C8orf34: variants seen among roughly 807,000 people sequenced by gnomAD.
The protein encoded by C8orf34 is uncharacterized protein C8orf34.
C8orf34 carries 65 observed loss-of-function variants against 68.3 expected under a neutral mutation model. The observed-to-expected ratio is 0.95, with a 90% CI of 0.78 to 1.17. C8orf34 has a LOEUF of 1.17. Among genes scored for constraint, C8orf34 ranks in the 50% most tolerant of loss-of-function variants. The probability of loss-of-function intolerance (pLI) is 0.00; values close to 1 mark genes in which losing one functional copy is unlikely to be tolerated. For synonymous variants in C8orf34, 244 were observed against 241.2 expected, an observed-to-expected ratio of 1.01 and a Z score of -0.11; for missense variants, 664 against 655.4, an observed-to-expected ratio of 1.01 and a Z score of -0.14.
intron 1 of C8orf34, among the ~76,000 whole-genome samples, chr8:68,367,908 A>T (rs550299284): frequency 5.9e-4 from 60 of 102,258 alleles, no homozygotes; most frequent in Middle Eastern, 4.2e-3. Flanking sequence ...ATAAAAAAAG[A>T]AAAGAAAAAA....
chr8:68,675,770 G>T (rs1176264360), intron 8 of C8orf34, among the ~76,000 whole-genome samples: 1 of 152,102 alleles, frequency 6.6e-6, no homozygotes, highest in Non-Finnish European at 1.5e-5. Context: ...AATGTAAATG[G>T]ACTAAACTCT....
chr8:68,814,621 T>A (rs1164315573), intron 12 of C8orf34, among the ~76,000 whole-genome samples: 2 of 152,162 alleles, frequency 1.3e-5, no homozygotes, highest in Admixed American at 6.5e-5. Context: ...TCCAAAGGTG[T>A]TTTGCTTAGA....
intron 1 of C8orf34, among the ~76,000 whole-genome samples, chr8:68,367,912 G>GAAAAAAA (rs61562318): frequency 2.5e-3 from 198 of 79,098 alleles, no homozygotes; most frequent in South Asian, 5.0e-3. Flanking sequence ...AAAAAGAAAA[G>GAAAAAAA]AAAAAAAAAA....
At chr8:68,717,418 G>A (rs1178503578) in intron 9 of C8orf34, among the ~76,000 whole-genome samples, 1 of 151,670 alleles carries the variant, frequency 6.6e-6, no homozygotes, top group African/African-American at 2.4e-5. Context: ...GCATGAACCC[G>A]GAAGGAGGAG....
chr8:68,392,520 T>TA (rs200021035), intron 1 of C8orf34, among the ~76,000 whole-genome samples: 1 of 150,984 alleles, frequency 6.6e-6, no homozygotes, highest in South Asian at 2.1e-4. Context: ...TCTCAGAATA[T>TA]AAAAAAAATG....
chr8:68,781,610 AC>A (rs1314337785), intron 11 of C8orf34, among the ~76,000 whole-genome samples: 1 of 152,124 alleles, frequency 6.6e-6, no homozygotes, highest in African/African-American at 2.4e-5. Context: ...TAGCTCTTTG[AC>A]CCCATCAAAA....
rs115402731 is a variant in C8orf34 at position 68,333,478 on chromosome 8, G to C, written c.327+2139G>C. 4.8e-3 allele frequency among the ~76,000 whole-genome samples: 725 copies of C among 152,280 alleles called. 12 individuals are homozygous for C. The highest frequency in any genetic ancestry group is 0.017 in the African/African-American group (702 of 41,538). On this transcript the variant is annotated intron_variant, in intron 1 of 13. Transcript: ENST00000518698. The stretch of plus-strand genomic sequence containing the variant: ...TTTAATAAAAGCTGGATGTAACACA[G>C]TTCCTTATGCAACAATTTTGATCAT...
At position 68,490,479 on chromosome 8, in the gene C8orf34, G is replaced by A. The variant is rs146514419; in HGVS notation, c.765+2428G>A. Among the ~76,000 whole-genome samples, 122 of 152,150 alleles carry A rather than the reference G, an allele frequency of 8.0e-4. No homozygotes were observed. The East Asian group carries it at 0.018, about 22-fold the overall frequency. On this transcript the variant is annotated intron_variant, in intron 5 of 13. Coordinates refer to ENST00000518698, the MANE Select transcript of C8orf34 (RefSeq NM_052958.4). The stretch of plus-strand genomic sequence containing the variant: ...CAGTTAAGTGTCAGCCTCAGGACAT[G>A]GCCTTCTCCCTCACACCCTCTCTCT...
At chr8:68,618,616 C>T (rs1228393092) in intron 7 of C8orf34, among the ~76,000 whole-genome samples, 2 of 152,066 alleles carry the variant, frequency 1.3e-5, no homozygotes, top group Non-Finnish European at 2.9e-5. Context: ...AATCCTCCTG[C>T]CTCAGCTTCC....
At chr8:68,380,115 AC>A (rs1248079384) in intron 1 of C8orf34, among the ~76,000 whole-genome samples, 2 of 151,898 alleles carry the variant, frequency 1.3e-5, no homozygotes, top group Non-Finnish European at 2.9e-5. Flanking sequence ...TCCTGCCTTC[AC>A]CTCCCAAAGT....
At chr8:68,491,186 A>G (rs1162673665) in intron 5 of C8orf34, among the ~76,000 whole-genome samples, 3 of 152,058 alleles carry the variant, frequency 2.0e-5, no homozygotes, top group Non-Finnish European at 4.4e-5. Flanking sequence ...AATAAGAATC[A>G]TTAATTCTAT....
chr8:68,419,203 T>C (rs1271353038), intron 1 of C8orf34, among the ~76,000 whole-genome samples: 4 of 151,418 alleles, frequency 2.6e-5, no homozygotes, highest in African/African-American at 7.3e-5. Context: ...AAGACATTTA[T>C]GCAGCCAAAA....
chr8:68,455,110 T>C lies in C8orf34; in HGVS notation c.607+8650T>C, dbSNP rs12677967. 1.6e-3 allele frequency among the ~76,000 whole-genome samples: 239 copies of C among 152,296 alleles called. 6 individuals are homozygous for C. In the East Asian group the frequency reaches 0.032, roughly 21 times the overall value. On this transcript the variant is annotated intron_variant, in intron 3 of 13. Coordinates refer to ENST00000518698, the MANE Select transcript of C8orf34 (RefSeq NM_052958.4). ...TTTATTCTTTTGTTGTCAGAGAAGA[T>C]ACTTGGTATGATTTCAATCCTTTAA...
chr8:68,360,772 T>TA (rs1185444788), intron 1 of C8orf34, among the ~76,000 whole-genome samples: 46 of 150,374 alleles, frequency 3.1e-4, no homozygotes, highest in African/African-American at 1.1e-3. Flanking sequence ...TTTTTTTTTT[T>TA]TCTTGAGCCT....
chr8:68,513,740 G>A (rs1297783488), intron 5 of C8orf34, among the ~76,000 whole-genome samples: 1 of 152,200 alleles, frequency 6.6e-6, no homozygotes, highest in East Asian at 1.9e-4. Flanking sequence ...GGGGAACGCA[G>A]TGGCAGCACA....
At chr8:68,800,713 C>G (rs1824305746) in intron 12 of C8orf34, among the ~76,000 whole-genome samples, 1 of 152,124 alleles carries the variant, frequency 6.6e-6, no homozygotes, top group Non-Finnish European at 1.5e-5. Context: ...GAAATATCCA[C>G]CCAACCTCTT....
At chr8:68,436,965 A>G (rs1399020484) in intron 1 of C8orf34, among the ~76,000 whole-genome samples, 2 of 152,202 alleles carry the variant, frequency 1.3e-5, no homozygotes, top group Non-Finnish European at 2.9e-5. Flanking sequence ...ATTCAAGTCC[A>G]GCAGATACAT....
chr8:68,603,577 G>GATCTGCTT (rs968029025), intron 7 of C8orf34, among the ~76,000 whole-genome samples: 1 of 108,428 alleles, frequency 9.2e-6, no homozygotes, highest in African/African-American at 4.5e-5. Flanking sequence ...ATCTATCTTT[G>GATCTGCTT]ATCTGCTTAC....
rs151123782 is a variant in C8orf34 at position 68,588,207 on chromosome 8, T to C, written c.1106-52169T>C. On this transcript the variant is annotated intron_variant, in intron 7 of 13. Coordinates refer to ENST00000518698, the MANE Select transcript of C8orf34 (RefSeq NM_052958.4). ...CTGTTAGCTCGAACCTGTGTATTTA[T>C]CTGAAGTAAGTATTATTGTTTTTCT... 4.7e-3 allele frequency among the ~76,000 whole-genome samples: 715 copies of C among 152,246 alleles called. 10 individuals are homozygous for C. Among genetic ancestry groups the C allele is most frequent in the African/African-American group, 0.016 (669 of 41,570 alleles).
Sources: allele counts gnomAD v4.1 joint callset (sites outside exome capture counted in the v4.1 genomes callset), GRCh38; gene constraint gnomAD v4.1.1; transcripts MANE v1.5; gene names NCBI Gene and HGNC (gene_info 2026-07-23, HGNC 2026-07-21).